PGR: variants seen among roughly 807,000 people sequenced by gnomAD.
PGR encodes the protein nuclear receptor subfamily 3 group C member 3.
In PGR, 25 loss-of-function variants were observed where a neutral mutation model predicts 76.1. The observed-to-expected ratio is 0.33, with a 90% confidence interval of 0.24 to 0.46. The LOEUF is 0.46. Among genes scored for constraint, PGR ranks in the 20% least tolerant of loss-of-function variants. PGR has a pLI of 1.00. For synonymous variants in PGR, 579 were observed against 535.0 expected (o/e 1.08, Z -1.14); for missense variants, 1,172 against 1,225.3 (o/e 0.96, Z 0.65).
intron 2 of PGR, among the ~76,000 whole-genome samples, chr11:101,095,815 A>G (rs1861814377): frequency 6.6e-6 from 1 of 152,168 alleles, no homozygotes; most frequent in Admixed American, 6.5e-5. Flanking sequence ...CTAAATCTCA[A>G]ATATAGTTAG....
At chr11:101,077,840 G>T (rs999245842) in intron 3 of PGR, among the ~76,000 whole-genome samples, 1 of 152,158 alleles carries the variant, frequency 6.6e-6, no homozygotes, top group African/African-American at 2.4e-5. Context: ...CTGATTCAAA[G>T]GCCAGGATTT....
At position 101,117,464 on chromosome 11, in the gene PGR, C is replaced by T. The variant is rs547642970; in HGVS notation, c.1789+8543G>A. ...GTCTTTGACTTTATGAATTTTTTGC[C>T]TTATATAAGAAATTTGAGATTACAT... On this transcript the variant is annotated intron_variant, in intron 2 of 7. Transcript: ENST00000325455. Among the ~76,000 whole-genome samples, 13 of 151,446 alleles carry T rather than the reference C, an allele frequency of 8.6e-5. No homozygotes were observed. In the East Asian group the frequency reaches 1.9e-3, roughly 23 times the overall value.
At chr11:101,064,547 G>A (rs1427157072) in intron 3 of PGR, among the ~76,000 whole-genome samples, 1 of 151,920 alleles carries the variant, frequency 6.6e-6, no homozygotes, top group Non-Finnish European at 1.5e-5. Context: ...GCATATGCCA[G>A]GAATTGTGTG....
At chr11:101,045,653 T>TAC (rs1433734587) in intron 6 of PGR, among the ~76,000 whole-genome samples, 1 of 148,010 alleles carries the variant, frequency 6.8e-6, no homozygotes, top group Non-Finnish European at 1.5e-5. Context: ...GATTGCTGAA[T>TAC]ACTATTCCAT....
intron 2 of PGR, among the ~76,000 whole-genome samples, chr11:101,115,169 T>G (rs1207022858): frequency 6.6e-6 from 1 of 152,090 alleles, no homozygotes; most frequent in Non-Finnish European, 1.5e-5. Flanking sequence ...AAATTGTCCT[T>G]CTGCTCAGTC....
intron 3 of PGR, among the ~76,000 whole-genome samples, chr11:101,088,731 CTCACA>C (rs1861578523): frequency 6.6e-6 from 1 of 152,214 alleles, no homozygotes; most frequent in African/African-American, 2.4e-5. Flanking sequence ...GACACATGCA[CTCACA>C]TGTTCATCAC....
At chr11:101,051,644 A>C in intron 4 of PGR, 76 bp from the exon 5 acceptor site, 1 of 1,091,508 alleles carries the variant, frequency 9.2e-7, no homozygotes, top group Non-Finnish European at 1.4e-6. Flanking sequence ...ATACATATAA[A>C]TCTGAAAATA....
intron 4 of PGR, among the ~76,000 whole-genome samples, chr11:101,053,794 C>T (rs183941526): frequency 6.6e-6 from 1 of 151,218 alleles, no homozygotes; most frequent in Non-Finnish European, 1.5e-5. Context: ...TCCTGCTTTC[C>T]TTCTTTCCTT....
rs1015263992 is a variant in PGR, at chr11:101,033,641, T to C, written c.*5475A>G. ...TTAAGAAAACACAATAACTATTTCTTAATAGAAGTACAGTTTGGTGGATAG... is the reference window on the plus strand; with the variant it reads ...TTAAGAAAACACAATAACTATTTCTCAATAGAAGTACAGTTTGGTGGATAG... On this transcript the variant is annotated 3_prime_UTR_variant, in exon 8 of 8. Coordinates refer to ENST00000325455, the MANE Select transcript of PGR (RefSeq NM_000926.4). 3 of 200,068 alleles carry C rather than the reference T, an allele frequency of 1.5e-5. No individual in the cohort carries two copies. The highest frequency in any genetic ancestry group is 4.6e-5 in the African/African-American group (2 of 43,536). 12.4% of individuals were successfully genotyped at this position (200,068 alleles called of 1,614,324 possible).
rs1859491184 is a variant in PGR at position 101,035,800 on chromosome 11, C to T, written c.*3316G>A. 1 of 230,798 alleles carries T rather than the reference C, an allele frequency of 4.3e-6. No homozygotes were observed. The highest frequency in any genetic ancestry group is 5.7e-5 in the Admixed American group (1 of 17,684). 14.3% of individuals were successfully genotyped at this position (230,798 alleles called of 1,614,324 possible). ...AGCCCTAATTTCAAATGAATTCAACCAAATATATCATAGCACATGGTGACA... is the reference window on the plus strand; with the variant it reads ...AGCCCTAATTTCAAATGAATTCAACTAAATATATCATAGCACATGGTGACA... On this transcript the variant is annotated 3_prime_UTR_variant, in exon 8 of 8. Coordinates refer to ENST00000325455, the MANE Select transcript of PGR (RefSeq NM_000926.4).
intron 2 of PGR, among the ~76,000 whole-genome samples, chr11:101,100,942 G>A (rs1054552021): frequency 2.0e-5 from 3 of 152,098 alleles, no homozygotes; most frequent in Non-Finnish European, 4.4e-5. Flanking sequence ...TCAAAAAGAG[G>A]TATTTTCTAG....
At chr11:101,089,528 G>A (rs552774509) in intron 3 of PGR, among the ~76,000 whole-genome samples, 5 of 152,222 alleles carry the variant, frequency 3.3e-5, no homozygotes, top group East Asian at 1.9e-4. Context: ...TTTGTTGCTC[G>A]TCCTCCCACA....
rs1443221814 is a variant in PGR, at chr11:101,091,830, A to G, written c.1836T>C (p.Asp612=). 1 of 1,612,102 alleles carries G rather than the reference A, an allele frequency of 6.2e-7. No homozygotes were observed. Among genetic ancestry groups the G allele is most frequent in the African/African-American group, 1.3e-5 (1 of 74,878 alleles). The change falls in exon 3 of 8, where the codon GAT becomes GAC. Residue 612 remains aspartate (D), a synonymous_variant. Transcript: ENST00000325455. The part of the protein sequence containing the change: ...LCAGRNDCIV[D]KIRRKNCPAC... The stretch of plus-strand genomic sequence containing the variant: ...CTGGGCAGTTTTTTCTGCGGATTTT[A>G]TCAACGATGCAGTCATTTCTTCCAG...
At chr11:101,112,624 A>C (rs886744102) in intron 2 of PGR, among the ~76,000 whole-genome samples, 1 of 152,214 alleles carries the variant, frequency 6.6e-6, no homozygotes, top group Non-Finnish European at 1.5e-5. Context: ...GGTGGAAGAC[A>C]GCCATCCCAG....
At position 101,037,221 on chromosome 11, in the gene PGR, G is replaced by T. The variant is rs932254964; in HGVS notation, c.*1895C>A. 2 of 212,528 alleles carry T rather than the reference G, an allele frequency of 9.4e-6. No homozygotes were observed. Among genetic ancestry groups the T allele is most frequent in the African/African-American group, 4.5e-5 (2 of 44,222 alleles). 13.2% of individuals were successfully genotyped at this position (212,528 alleles called of 1,614,324 possible). A position where few individuals can be genotyped will look rare whatever the true frequency, so the allele number is the denominator to read the frequency against. ...AAAGTTAGTACCTTTGTGCTGCATG[G>T]GTATCAGTAAAATTATATGTAAATG... On this transcript the variant is annotated 3_prime_UTR_variant, in exon 8 of 8. Coordinates refer to ENST00000325455, the MANE Select transcript of PGR (RefSeq NM_000926.4).
At chr11:101,107,485 T>C (rs946321891) in intron 2 of PGR, among the ~76,000 whole-genome samples, 4 of 152,176 alleles carry the variant, frequency 2.6e-5, no homozygotes, top group African/African-American at 9.7e-5. Flanking sequence ...AGTAAGCATT[T>C]AGAGAATGTA....
At position 101,129,007 on chromosome 11, in the gene PGR, C is replaced by T; in HGVS notation, c.64G>A (p.Glu22Lys). 1.9e-6 allele frequency: 3 copies of T among 1,570,522 alleles called. No individual in the cohort carries two copies. Among genetic ancestry groups the T allele is most frequent in the Non-Finnish European group, 2.6e-6 (3 of 1,158,964 alleles). The change falls in exon 1 of 8, where the codon GAG (glutamate) becomes AAG (lysine). Residue 22 changes from glutamate (E) to lysine (K), a missense_variant. By Grantham distance (56) the Glu-to-Lys change is moderately conservative. Transcript: ENST00000325455. ...PHVAGGPPSP[E>K]VGSPLLCRPA... ...CGACACAGCAGTGGGGATCCGACCT[C>T]GGGGGAGGGCGGGCCGCCCGCCACG...
chr11:101,079,854 G>A (rs1591395941), intron 3 of PGR, among the ~76,000 whole-genome samples: 1 of 152,178 alleles, frequency 6.6e-6, no homozygotes, highest in African/African-American at 2.4e-5. Context: ...TACCCCTCCT[G>A]TGTAGAGATC....
intron 3 of PGR, among the ~76,000 whole-genome samples, chr11:101,077,312 C>T (rs545765864): frequency 1.7e-4 from 26 of 152,196 alleles, no homozygotes; most frequent in African/African-American, 6.3e-4. Flanking sequence ...TTTAACAATC[C>T]TTTATAGCAC....
Sources: allele counts gnomAD v4.1 joint callset (sites outside exome capture counted in the v4.1 genomes callset), GRCh38; gene constraint gnomAD v4.1.1; transcripts MANE v1.5; gene names NCBI Gene and HGNC (gene_info 2026-07-23, HGNC 2026-07-21).